The following NLGN1 variants were observed in gnomAD, a reference collection of about 807,000 sequenced individuals.
NLGN1 encodes neuroligin-1.
NLGN1 carries 12 observed loss-of-function variants against 65.5 expected under a neutral mutation model. That is an observed-to-expected ratio of 0.18 (90% CI 0.12 to 0.30). NLGN1 has a LOEUF of 0.30. Among genes scored for constraint, NLGN1 ranks in the 10% least tolerant of loss-of-function variants. The probability of loss-of-function intolerance (pLI) is 1.00; values close to 1 mark genes in which losing one functional copy is unlikely to be tolerated. For synonymous variants in NLGN1, 350 were observed against 359.5 expected (o/e 0.97, Z 0.30); for missense variants, 750 against 1,007.1 (o/e 0.74, Z 3.46).
chr3:173,712,244 T>C (rs899529887), intron 3 of NLGN1, among the ~76,000 whole-genome samples: 28 of 152,304 alleles, frequency 1.8e-4, no homozygotes, highest in African/African-American at 6.7e-4. Flanking sequence ...GTAAGTATTG[T>C]ACTTGGATTT....
intron 4 of NLGN1, among the ~76,000 whole-genome samples, chr3:173,871,745 C>T (rs551124647): frequency 1.3e-5 from 2 of 152,160 alleles, no homozygotes; most frequent in South Asian, 4.1e-4. Flanking sequence ...ATTCCTGTTT[C>T]GGTTCTTTTT....
intron 4 of NLGN1, among the ~76,000 whole-genome samples, chr3:174,124,179 C>T (rs1718373062): frequency 6.6e-6 from 1 of 152,106 alleles, no homozygotes; most frequent in African/African-American, 2.4e-5. Flanking sequence ...ACTTCCCAGC[C>T]TCTAGAACTG....
At chr3:173,616,373 C>CA (rs1337845561) in intron 3 of NLGN1, among the ~76,000 whole-genome samples, 4 of 152,030 alleles carry the variant, frequency 2.6e-5, no homozygotes, top group African/African-American at 9.7e-5. Flanking sequence ...ACACTTGAGA[C>CA]ACGCAAACAA....
chr3:173,769,490 C>T (rs955221746), intron 3 of NLGN1, among the ~76,000 whole-genome samples: 6 of 152,202 alleles, frequency 3.9e-5, no homozygotes, highest in Non-Finnish European at 7.3e-5. Context: ...ATCTTTCGAA[C>T]TTTTCAGCAT....
chr3:174,023,291 C>T lies in NLGN1; in HGVS notation c.646+215459C>T, dbSNP rs565113474. ...TTTTACACATGAGATACTAAGAGTT[C>T]AGCCAAGTTATATGATTCTAGGCTC... On this transcript the variant is annotated intron_variant, in intron 4 of 6. Coordinates refer to ENST00000457714, the Ensembl canonical transcript of NLGN1. 1.7e-4 allele frequency among the ~76,000 whole-genome samples: 26 copies of T among 152,210 alleles called. No individual in the cohort carries two copies. In the South Asian group the frequency reaches 2.1e-3, roughly 12 times the overall value.
At chr3:173,417,503 T>C (rs1281000272) in intron 1 of NLGN1, among the ~76,000 whole-genome samples, 3 of 151,930 alleles carry the variant, frequency 2.0e-5, no homozygotes, top group African/African-American at 7.2e-5. Context: ...TAATTTTCTT[T>C]ATAAAATTAG....
chr3:174,200,659 C>T (rs566222293), intron 4 of NLGN1, among the ~76,000 whole-genome samples: 1 of 152,316 alleles, frequency 6.6e-6, no homozygotes, highest in Non-Finnish European at 1.5e-5. Flanking sequence ...TTAATTTCAA[C>T]TAATAAACAT....
chr3:173,991,283 A>G (rs1030249431), intron 4 of NLGN1, among the ~76,000 whole-genome samples: 1 of 152,300 alleles, frequency 6.6e-6, no homozygotes, highest in Non-Finnish European at 1.5e-5. Flanking sequence ...ATTTAATAGA[A>G]AATACCTTTA....
At chr3:173,873,754 G>T (rs1731618777) in intron 4 of NLGN1, among the ~76,000 whole-genome samples, 2 of 152,264 alleles carry the variant, frequency 1.3e-5, no homozygotes, top group East Asian at 3.9e-4. Context: ...CAGCTGCACA[G>T]CCTGTCTCTT....
chr3:173,738,165 A>T (rs894711979), intron 3 of NLGN1, among the ~76,000 whole-genome samples: 1 of 151,972 alleles, frequency 6.6e-6, no homozygotes, highest in African/African-American at 2.4e-5. Context: ...TATGAGATAC[A>T]TGATTTGCAA....
chr3:174,137,958 A>T (rs1020791454), intron 4 of NLGN1, among the ~76,000 whole-genome samples: 4 of 152,188 alleles, frequency 2.6e-5, no homozygotes, highest in South Asian at 2.1e-4. Flanking sequence ...ACTTGTTAAC[A>T]TCATTAGCAT....
chr3:173,886,522 G>T (rs543708979), intron 4 of NLGN1, among the ~76,000 whole-genome samples: 1 of 151,974 alleles, frequency 6.6e-6, no homozygotes, highest in East Asian at 1.9e-4. Context: ...TATTCAACAG[G>T]GGGCAAATGC....
intron 1 of NLGN1, among the ~76,000 whole-genome samples, chr3:173,421,643 G>T: frequency 6.6e-6 from 1 of 151,528 alleles, no homozygotes; most frequent in East Asian, 1.9e-4. Context: ...ACAGACTGAG[G>T]CAGAAGACTG....
chr3:174,082,265 A>G (rs1328329074), intron 4 of NLGN1, among the ~76,000 whole-genome samples: 4 of 152,150 alleles, frequency 2.6e-5, no homozygotes, highest in Non-Finnish European at 5.9e-5. Context: ...CTTTCTTGAC[A>G]TGACTACCCA....
At chr3:173,508,125 A>G (rs921131779) in intron 2 of NLGN1, among the ~76,000 whole-genome samples, 2 of 152,154 alleles carry the variant, frequency 1.3e-5, no homozygotes, top group Non-Finnish European at 2.9e-5. Context: ...TTTAGAGGCT[A>G]ACATATCACT....
At chr3:173,524,994 T>C (rs1735387303) in intron 2 of NLGN1, among the ~76,000 whole-genome samples, 1 of 152,194 alleles carries the variant, frequency 6.6e-6, no homozygotes, top group African/African-American at 2.4e-5. Context: ...GGATTTTGCT[T>C]GTCTTTTCAT....
chr3:173,864,846 T>C (rs1729813442), intron 4 of NLGN1, among the ~76,000 whole-genome samples: 1 of 152,082 alleles, frequency 6.6e-6, no homozygotes, highest in Non-Finnish European at 1.5e-5. Context: ...TTTGTAGAGG[T>C]ACTCTGGGAA....
At chr3:173,553,914 C>T (rs1321977660) in intron 2 of NLGN1, among the ~76,000 whole-genome samples, 1 of 152,188 alleles carries the variant, frequency 6.6e-6, no homozygotes, top group Admixed American at 6.5e-5. Flanking sequence ...ACTAAATTTT[C>T]CCCCTGGGAA....
intron 4 of NLGN1, among the ~76,000 whole-genome samples, chr3:173,946,411 C>A (rs143401178): frequency 6.6e-6 from 1 of 152,220 alleles, no homozygotes; most frequent in Non-Finnish European, 1.5e-5. Flanking sequence ...TTTTATTTAG[C>A]AATAGTTTAT....
Sources: gnomAD v4.1 joint callset for allele counts (sites outside exome capture counted in the v4.1 genomes callset) on GRCh38, gnomAD v4.1.1 for gene constraint, MANE v1.5 for transcripts, NCBI Gene and HGNC (gene_info 2026-07-23, HGNC 2026-07-21) for gene names.